PPP1R36: variants seen among roughly 807,000 people sequenced by gnomAD.
PPP1R36 encodes chromosome 14 open reading frame 50.
In PPP1R36, 47 loss-of-function variants were observed where a neutral mutation model predicts 53.4. The observed-to-expected ratio is 0.88, with a 90% CI of 0.70 to 1.12. The LOEUF is 1.12. Ranked by LOEUF, PPP1R36 falls within the 50% of genes most tolerant of loss-of-function variation. PPP1R36 has a pLI of 0.00. For synonymous variants in PPP1R36, 153 were observed against 170.5 expected (o/e 0.90, Z 0.80); for missense variants, 456 against 513.9 (o/e 0.89, Z 1.09).
intron 8 of PPP1R36, among the ~76,000 whole-genome samples, chr14:64,582,901 AT>A (rs903029299): frequency 1.3e-5 from 2 of 148,394 alleles, no homozygotes; most frequent in African/African-American, 2.5e-5. Flanking sequence ...TTTATTTTTT[AT>A]TTTTTTTGAG....
chr14:64,573,849 G>A (rs1486292409), intron 7 of PPP1R36, among the ~76,000 whole-genome samples: 1 of 137,758 alleles, frequency 7.3e-6, no homozygotes, highest in Admixed American at 8.0e-5. Flanking sequence ...GGAGGTGGAG[G>A]TCTCAGTGAG....
At chr14:64,577,718 CTTTTTTTTT>C (rs10667127) in intron 8 of PPP1R36, among the ~76,000 whole-genome samples, 3 of 94,448 alleles carry the variant, frequency 3.2e-5, no homozygotes, top group East Asian at 6.6e-4. Flanking sequence ...GCCATGATTA[CTTTTTTTTT>C]TTTTTTTTTT....
chr14:64,573,811 G>A (rs1301087581), intron 7 of PPP1R36, among the ~76,000 whole-genome samples: 1 of 148,182 alleles, frequency 6.7e-6, no homozygotes, highest in Non-Finnish European at 1.5e-5. Flanking sequence ...TACTCGGGAG[G>A]CTGAGGCAGG....
At chr14:64,566,780 C>T (rs2080261285) in intron 6 of PPP1R36, among the ~76,000 whole-genome samples, 2 of 152,214 alleles carry the variant, frequency 1.3e-5, no homozygotes, top group African/African-American at 4.8e-5. Context: ...GCTCATTCCA[C>T]CACAGGCACA....
At chr14:64,581,172 C>G (rs2080386128) in intron 8 of PPP1R36, among the ~76,000 whole-genome samples, 1 of 152,124 alleles carries the variant, frequency 6.6e-6, no homozygotes, top group African/African-American at 2.4e-5. Context: ...ACTAAAAAGG[C>G]AGGATATTTT....
chr14:64,583,514 A>C (rs1169094773), intron 8 of PPP1R36, among the ~76,000 whole-genome samples: 1 of 152,142 alleles, frequency 6.6e-6, no homozygotes, highest in Non-Finnish European at 1.5e-5. Flanking sequence ...TGCTTTGGGC[A>C]TTAAGAGAGA....
At chr14:64,559,723 A>C (rs923589080) in intron 3 of PPP1R36, among the ~76,000 whole-genome samples, 4 of 152,248 alleles carry the variant, frequency 2.6e-5, no homozygotes, top group East Asian at 1.9e-4. Context: ...AGATTATAAA[A>C]GATCTTGCAT....
intron 3 of PPP1R36, among the ~76,000 whole-genome samples, chr14:64,559,820 A>T (rs1438527069): frequency 6.6e-6 from 1 of 152,188 alleles, no homozygotes; most frequent in Non-Finnish European, 1.5e-5. Flanking sequence ...ATTGCATCTT[A>T]GGCCCGGGTG....
chr14:64,562,822 C>T (rs1413553125), intron 3 of PPP1R36, among the ~76,000 whole-genome samples: 1 of 151,898 alleles, frequency 6.6e-6, no homozygotes, highest in Non-Finnish European at 1.5e-5. Context: ...CTTCCAATAA[C>T]CCCCAAATTC....
At chr14:64,582,273 G>A (rs565638640) in intron 8 of PPP1R36, among the ~76,000 whole-genome samples, 3 of 152,268 alleles carry the variant, frequency 2.0e-5, no homozygotes, top group African/African-American at 7.2e-5. Flanking sequence ...GGCAAGTGGG[G>A]GAGCACAACT....
At chr14:64,553,217 A>C (rs2080111386) in intron 3 of PPP1R36, among the ~76,000 whole-genome samples, 1 of 152,132 alleles carries the variant, frequency 6.6e-6, no homozygotes, top group South Asian at 2.1e-4. Context: ...AGCCTCCCAA[A>C]GTGCTGGGAC....
intron 8 of PPP1R36, among the ~76,000 whole-genome samples, chr14:64,577,718 C>CCT (rs2080354111): frequency 1.1e-5 from 1 of 94,448 alleles, no homozygotes; most frequent in Non-Finnish European, 1.9e-5. Flanking sequence ...GCCATGATTA[C>CCT]TTTTTTTTTT....
At chr14:64,551,745 A>G (rs900713525) in intron 2 of PPP1R36, 32 of 449,118 alleles carry the variant, frequency 7.1e-5, no homozygotes, top group East Asian at 7.0e-5. Context: ...AGCCCTTTTC[A>G]TGTACTCGCT....
chr14:64,562,471 AGTT>A, intron 3 of PPP1R36, among the ~76,000 whole-genome samples: 1 of 152,038 alleles, frequency 6.6e-6, no homozygotes, highest in East Asian at 1.9e-4. Context: ...AAAAAATTTC[AGTT>A]ATTACTAGTG....
chr14:64,559,669 G>A (rs895513937), intron 3 of PPP1R36: 1 of 152,334 alleles, frequency 6.6e-6, no homozygotes, highest in African/African-American at 2.4e-5. Context: ...TGGTTCATTA[G>A]GCTGGGTATA....
chr14:64,565,487 A>G, intron 5 of PPP1R36, 33 bp downstream of exon 5: 1 of 1,514,962 alleles, frequency 6.6e-7, no homozygotes, highest in Non-Finnish European at 9.2e-7. Context: ...ATACATAAAC[A>G]TACATCTGTA....
At chr14:64,557,422 G>A (rs540988466) in intron 3 of PPP1R36, among the ~76,000 whole-genome samples, 41 of 152,260 alleles carry the variant, frequency 2.7e-4, no homozygotes, top group Admixed American at 2.4e-3. Flanking sequence ...GGAAAGAGAA[G>A]GAGAAGGGGG....
At position 64,587,448 on chromosome 14, in the gene PPP1R36, C is replaced by CTTTTTTTTTTTTTTTTTTTTTTTTTT. The variant is rs10708900; in HGVS notation, c.890+81_890+106dup. Reference sequence around the variant, plus strand: ...CCTTTCTTTTCTTTTCTTTTTTCTCCTTTTTTTTTTTTTTTTTTTTTTTTT... The same window carrying CTTTTTTTTTTTTTTTTTTTTTTTTTT: ...CCTTTCTTTTCTTTTCTTTTTTCTCCTTTTTTTTTTTTTTTTTTTTTTTTTTTTTTTTTTTTTTTTTTTTTTTTTTT... On this transcript the variant is annotated intron_variant, in intron 10 of 11. Coordinates refer to ENST00000298705, the MANE Select transcript of PPP1R36 (RefSeq NM_172365.3). The CTTTTTTTTTTTTTTTTTTTTTTTTTT allele has an allele frequency of 6.3e-5, 7 of 111,018 alleles. 2 individuals carry two copies. Among genetic ancestry groups the CTTTTTTTTTTTTTTTTTTTTTTTTTT allele is most frequent in the Non-Finnish European group, 9.7e-5 (7 of 72,330 alleles). The allele number at this position is 111,018 out of a possible 1,614,324, so 6.9% of individuals were successfully genotyped here. A position where few individuals can be genotyped will look rare whatever the true frequency, so the allele number is the denominator to read the frequency against.
At chr14:64,585,393 G>A (rs1037468949) in intron 8 of PPP1R36, among the ~76,000 whole-genome samples, 10 of 151,960 alleles carry the variant, frequency 6.6e-5, no homozygotes, top group African/African-American at 2.4e-4. Context: ...GTGTGTGCCT[G>A]TAGTCTCAGC....
Sources: gnomAD v4.1 joint callset for allele counts (sites outside exome capture counted in the v4.1 genomes callset) on GRCh38, gnomAD v4.1.1 for gene constraint, MANE v1.5 for transcripts, NCBI Gene and HGNC (gene_info 2026-07-23, HGNC 2026-07-21) for gene names.